SNX1: variants seen among roughly 807,000 people sequenced by gnomAD.
The protein encoded by SNX1 is sorting nexin 1.
A neutral mutation model predicts 71.8 loss-of-function variants in SNX1; 36 were observed. The observed-to-expected ratio is 0.50, with a 90% confidence interval of 0.38 to 0.66. SNX1 has a LOEUF of 0.66. Among genes scored for constraint, SNX1 ranks in the 30% least tolerant of loss-of-function variants. The pLI is 0.00. For missense variants in SNX1, 612 were observed against 646.7 expected (o/e 0.95, Z 0.58); for synonymous variants, 254 against 240.7 (o/e 1.06, Z -0.51).
intron 1 of SNX1, among the ~76,000 whole-genome samples, chr15:64,101,322 A>G (rs972870294): frequency 1.3e-5 from 2 of 152,102 alleles, no homozygotes; most frequent in Non-Finnish European, 2.9e-5. Flanking sequence ...GTTTCTGTCA[A>G]TTTGTCTATT....
rs1265541733 is a variant in SNX1, at chr15:64,138,869, C to G, written c.*1251C>G. On this transcript the variant is annotated 3_prime_UTR_variant, in exon 15 of 15. Transcript: ENST00000559844. ...GGGAGCCTTGCCACCTCCAGCCCCT[C>G]CATCCCAAAGACGCTCCTGCCACTG... 1.3e-5 allele frequency: 2 copies of G among 152,518 alleles called. No homozygotes were observed. Among genetic ancestry groups the G allele is most frequent in the Non-Finnish European group, 2.9e-5 (2 of 68,300 alleles). The allele number at this position is 152,518 out of a possible 1,614,324, so 9.4% of individuals were successfully genotyped here.
intron 5 of SNX1, among the ~76,000 whole-genome samples, chr15:64,123,947 A>G (rs953689522): frequency 2.6e-5 from 4 of 151,934 alleles, no homozygotes; most frequent in African/African-American, 7.3e-5. Flanking sequence ...TTTTGTATAT[A>G]ATATTAATGC....
intron 7 of SNX1, 134 bp from the exon 8 acceptor site, chr15:64,127,597 A>C (rs1193902719): frequency 6.1e-6 from 4 of 655,562 alleles, no homozygotes; most frequent in Non-Finnish European, 1.1e-5. Flanking sequence ...GGAGAGACCT[A>C]CTTAAGTACC....
intron 5 of SNX1, among the ~76,000 whole-genome samples, chr15:64,124,547 G>A (rs950838965): frequency 1.3e-5 from 2 of 151,072 alleles, no homozygotes; most frequent in African/African-American, 4.9e-5. Context: ...TGATAATTGT[G>A]CTTGCTTTAT....
At chr15:64,133,414 T>C (rs990570884) in intron 11 of SNX1, among the ~76,000 whole-genome samples, 1 of 152,214 alleles carries the variant, frequency 6.6e-6, no homozygotes, top group African/African-American at 2.4e-5. Context: ...GGCAAAAGCC[T>C]GTGCTGAGGA....
In SNX1 at chr15:64,096,010, G is replaced by T; in HGVS notation, c.-4G>T. On this transcript the variant is annotated 5_prime_UTR_variant, in exon 1 of 15. Transcript: ENST00000559844. ...GTTGCGGCTTCCGCCGCGGGTGGAA[G>T]AAGATGGCGTCGGGTGGTGGTGGCT... 1.3e-6 allele frequency: 2 copies of T among 1,596,142 alleles called. No homozygotes were observed. The highest frequency in any genetic ancestry group is 1.8e-5 in the Admixed American group (1 of 56,874).
Position 64,140,920 on chromosome 15 carries a change from A to C in SNX1, c.*3302A>C, listed in dbSNP as rs2081405625. On this transcript the variant is annotated 3_prime_UTR_variant, in exon 15 of 15. Transcript: ENST00000559844. Reference sequence around the variant, plus strand: ...ATTTAGAAACCAAGATCTGGGTGCCAAATGTGCTGCTTGTTACTGGAATGT... The same window carrying C: ...ATTTAGAAACCAAGATCTGGGTGCCCAATGTGCTGCTTGTTACTGGAATGT... The C allele has an allele frequency of 6.6e-6, 1 of 151,906 alleles. No homozygotes were observed. Among genetic ancestry groups the C allele is most frequent in the South Asian group, 2.1e-4 (1 of 4,816 alleles). The allele number at this position is 151,906 out of a possible 1,614,324, so 9.4% of individuals were successfully genotyped here. A position where few individuals can be genotyped will look rare whatever the true frequency, so the allele number is the denominator to read the frequency against.
chr15:64,096,615 TTC>T (rs2140124985), intron 1 of SNX1, among the ~76,000 whole-genome samples: 1 of 152,328 alleles, frequency 6.6e-6, no homozygotes, highest in Non-Finnish European at 1.5e-5. Context: ...CGCCCACCAG[TTC>T]TTTCTTTAGC....
intron 2 of SNX1, among the ~76,000 whole-genome samples, chr15:64,113,180 C>CA (rs1225834315): frequency 1.3e-5 from 2 of 152,204 alleles, no homozygotes; most frequent in Admixed American, 1.3e-4. Context: ...CTTTGCAACA[C>CA]ATTGAATTGA....
At chr15:64,136,557 T>C (rs1845998754) in intron 13 of SNX1, 147 bp downstream of exon 13, 1 of 712,694 alleles carries the variant, frequency 1.4e-6, no homozygotes, top group Non-Finnish European at 2.5e-6. Context: ...TGGGGGGGTG[T>C]GTGCTTGATC....
At chr15:64,133,690 G>A (rs1444029757) in intron 11 of SNX1, among the ~76,000 whole-genome samples, 2 of 152,206 alleles carry the variant, frequency 1.3e-5, no homozygotes, top group Non-Finnish European at 2.9e-5. Context: ...AGCCAAGATC[G>A]CGCCATTGCA....
intron 12 of SNX1, among the ~76,000 whole-genome samples, chr15:64,135,505 A>C (rs12908340): frequency 0.69 from 102,828 of 149,626 alleles, 36,638 homozygotes; most frequent in East Asian, 0.81. Context: ...CGCCTGTAAT[A>C]CCAGCACTTT....
chr15:64,120,409 A>T (rs1306786948), intron 4 of SNX1, among the ~76,000 whole-genome samples: 1 of 151,362 alleles, frequency 6.6e-6, no homozygotes, highest in African/African-American at 2.4e-5. Flanking sequence ...AGTAGCTGGG[A>T]CTACAGATGT....
intron 1 of SNX1, among the ~76,000 whole-genome samples, chr15:64,099,557 T>C (rs1445361389): frequency 6.6e-6 from 1 of 152,184 alleles, no homozygotes; most frequent in Non-Finnish European, 1.5e-5. Context: ...GAAGCTGAGG[T>C]GGGAGGATCA....
At position 64,137,969 on chromosome 15, in the gene SNX1, C is replaced by T; in HGVS notation, c.*351C>T. On this transcript the variant is annotated 3_prime_UTR_variant, in exon 15 of 15. Transcript: ENST00000559844. Reference sequence around the variant, plus strand: ...CGTTTTCTGTTACTCCTGATGGTGCCATGAAAAGGTTATGTAATAAAATAT... The same window carrying T: ...CGTTTTCTGTTACTCCTGATGGTGCTATGAAAAGGTTATGTAATAAAATAT... 1 of 1,437,928 alleles carries T rather than the reference C, an allele frequency of 7.0e-7. No individual in the cohort carries two copies. The highest frequency in any genetic ancestry group is 9.1e-7 in the Non-Finnish European group (1 of 1,103,352). 89.1% of individuals were successfully genotyped at this position (1,437,928 alleles called of 1,614,324 possible).
chr15:64,138,472 C>T lies in SNX1; in HGVS notation c.*854C>T. 2.9e-6 allele frequency: 1 copy of T among 345,828 alleles called. No individual in the cohort carries two copies. Among genetic ancestry groups the T allele is most frequent in the South Asian group, 5.2e-5 (1 of 19,228 alleles). 21.4% of individuals were successfully genotyped at this position (345,828 alleles called of 1,614,324 possible). On this transcript the variant is annotated 3_prime_UTR_variant, in exon 15 of 15. Transcript: ENST00000559844. ...AACTAAACCTATTTTTGTCACCCAT[C>T]AAAACACATCCTCAGTAGACTGTGT...
At chr15:64,121,307 G>A (rs1230373912) in intron 4 of SNX1, among the ~76,000 whole-genome samples, 2 of 152,192 alleles carry the variant, frequency 1.3e-5, no homozygotes, top group Admixed American at 1.3e-4. Context: ...AAATCCTGGT[G>A]TCGGCAGGCC....
intron 1 of SNX1, among the ~76,000 whole-genome samples, chr15:64,098,680 ACT>A (rs1333376626): frequency 1.4e-5 from 2 of 138,302 alleles, no homozygotes; most frequent in Non-Finnish European, 3.0e-5. Context: ...ACACAGCAAG[ACT>A]CTCTCTCAAA....
chr15:64,132,153 G>A (rs2081313749), intron 11 of SNX1, among the ~76,000 whole-genome samples: 4 of 152,332 alleles, frequency 2.6e-5, no homozygotes, highest in South Asian at 2.1e-4. Flanking sequence ...CGAATAGGTT[G>A]CCCTTTATTG....
Sources: gnomAD v4.1 joint callset for allele counts (sites outside exome capture counted in the v4.1 genomes callset) on GRCh38, gnomAD v4.1.1 for gene constraint, MANE v1.5 for transcripts, NCBI Gene and HGNC (gene_info 2026-07-23, HGNC 2026-07-21) for gene names.